The following NUMA1 variants were observed in gnomAD, a reference collection of about 807,000 sequenced individuals.
NUMA1 encodes the protein nuclear mitotic apparatus protein 1.
A neutral mutation model predicts 237.1 loss-of-function variants in NUMA1; 62 were observed. The observed-to-expected ratio is 0.26, with a 90% confidence interval of 0.21 to 0.32. NUMA1 has a LOEUF of 0.32. NUMA1 is among the 10% of genes least tolerant of loss of function. The probability of loss-of-function intolerance (pLI) is 1.00; values close to 1 mark genes in which losing one functional copy is unlikely to be tolerated. For missense variants in NUMA1, 2,533 were observed against 2,666.5 expected (o/e 0.95, Z 1.10); for synonymous variants, 1,028 against 1,066.1 (o/e 0.96, Z 0.70).
chr11:72,034,259 T>A (rs1940720006), intron 3 of NUMA1, among the ~76,000 whole-genome samples: 1 of 152,210 alleles, frequency 6.6e-6, no homozygotes, highest in Non-Finnish European at 1.5e-5. Context: ...TGAGATAACA[T>A]GCTAAATGAC....
At chr11:72,018,352 G>A (rs1938202222) in intron 11 of NUMA1, 44 bp downstream of exon 11, 3 of 1,606,686 alleles carry the variant, frequency 1.9e-6, no homozygotes, top group Middle Eastern at 1.6e-4. Context: ...GGCTGGGTGA[G>A]GGGAGGGGCT....
At chr11:72,056,609 C>A (rs1942658676) in intron 2 of NUMA1, among the ~76,000 whole-genome samples, 1 of 129,382 alleles carries the variant, frequency 7.7e-6, no homozygotes, top group Non-Finnish European at 1.6e-5. Flanking sequence ...CATGAGCCAT[C>A]GCGCCTGACC....
intron 14 of NUMA1, 23 bp downstream of exon 14, chr11:72,016,385 C>G (rs1555014819): frequency 1.6e-5 from 25 of 1,612,220 alleles, no homozygotes; most frequent in Non-Finnish European, 2.0e-5. Flanking sequence ...CAGCAGCACA[C>G]AGGTCTTTCT....
chr11:72,003,460 G>A lies in NUMA1; in HGVS notation c.*67C>T. ...CTGAGAGAAGGCACTGAGAGGGACA[G>A]TAGGCGGAGGACCAGGTGAGGTCAG... On this transcript the variant is annotated 3_prime_UTR_variant, in exon 27 of 27. Transcript: ENST00000393695. 6.7e-7 allele frequency: 1 copy of A among 1,492,108 alleles called. No homozygotes were observed. Among genetic ancestry groups the A allele is most frequent in the Non-Finnish European group, 9.4e-7 (1 of 1,068,072 alleles). 92.4% of individuals were successfully genotyped at this position (1,492,108 alleles called of 1,614,324 possible). A position where few individuals can be genotyped will look rare whatever the true frequency, so the allele number is the denominator to read the frequency against.
rs1938108652 is a variant in NUMA1, at chr11:72,017,924, T to G, written c.979-97A>C. ...AACCCCAGGGGCTGGATGCCTCCAA[T>G]TATCCTGCCAACCCTCTACAAACCA... On this transcript the variant is annotated intron_variant, in intron 12 of 26. Transcript: ENST00000393695. 3 of 1,398,682 alleles carry G rather than the reference T, an allele frequency of 2.1e-6. No individual in the cohort carries two copies. In the South Asian group the frequency reaches 3.8e-5, roughly 18 times the overall value. The allele number at this position is 1,398,682 out of a possible 1,614,324, so 86.6% of individuals were successfully genotyped here.
chr11:72,018,329 A>G, intron 11 of NUMA1, 29 bp from the exon 12 acceptor site: 2 of 1,608,534 alleles, frequency 1.2e-6, no homozygotes, highest in Non-Finnish European at 8.5e-7. Context: ...GTGAGAAGAG[A>G]GTATGGGTTC....
rs1188584553 is a variant in NUMA1 at position 72,014,144 on chromosome 11, G to A, written c.3359C>T (p.Pro1120Leu). The change falls in exon 15 of 27, where the codon CCC becomes CTC. Residue 1120 changes from proline to leucine, a missense_variant. Transcript: ENST00000393695. The surrounding 1 kb of genome is among the most constrained non-coding windows in gnomAD (Gnocchi z 4.6). ...EAAGRTEPTGPKLEALRAEVS... is the reference protein window; with the variant it reads ...EAAGRTEPTGLKLEALRAEVS... ...CTCTGCCCGCAGTGCCTCCAGCTTG[G>A]GGCCTGTTGGCTCTGTCCTGCCAGC... 1.9e-6 allele frequency: 3 copies of A among 1,613,036 alleles called. No individual in the cohort carries two copies. Among genetic ancestry groups the A allele is most frequent in the South Asian group, 2.2e-5 (2 of 91,082 alleles).
chr11:72,012,712 C>T (rs1336574353), intron 15 of NUMA1, among the ~76,000 whole-genome samples, 183 bp downstream of exon 15: 1 of 152,158 alleles, frequency 6.6e-6, no homozygotes, highest in Non-Finnish European at 1.5e-5. Context: ...CTGACATTTT[C>T]TTTAGGATGA....
chr11:72,042,386 A>T, intron 2 of NUMA1, among the ~76,000 whole-genome samples: 1 of 152,272 alleles, frequency 6.6e-6, no homozygotes, highest in East Asian at 1.9e-4. Context: ...GATAAGAAAT[A>T]TGACTTGAAG....
intron 1 of NUMA1, among the ~76,000 whole-genome samples, chr11:72,071,668 T>C (rs1256859630): frequency 1.3e-5 from 2 of 152,306 alleles, no homozygotes; most frequent in East Asian, 1.9e-4. Context: ...TGTAGTTATA[T>C]AGGAAGATAC....
At chr11:72,035,315 G>A (rs1477335548) in intron 3 of NUMA1, among the ~76,000 whole-genome samples, 1 of 152,152 alleles carries the variant, frequency 6.6e-6, no homozygotes, top group Non-Finnish European at 1.5e-5. Context: ...GGTGGTAAGA[G>A]AGTGATGAGA....
chr11:72,019,014 G>C, intron 9 of NUMA1, 34 bp from the exon 10 acceptor site: 1 of 1,610,462 alleles, frequency 6.2e-7, no homozygotes, highest in Non-Finnish European at 8.5e-7. Context: ...GCATTGGTAA[G>C]CGCCTAAGAT....
intron 2 of NUMA1, among the ~76,000 whole-genome samples, chr11:72,047,486 C>CA (rs61177856): frequency 2.0e-5 from 3 of 151,244 alleles, no homozygotes; most frequent in African/African-American, 4.9e-5. Context: ...AGACACGTCT[C>CA]AAAAAAAAAC....
In NUMA1 at chr11:72,004,356, A is replaced by G; in HGVS notation, c.6007-15T>C. The G allele has an allele frequency of 6.2e-7, 1 of 1,604,138 alleles. No individual in the cohort carries two copies. Among genetic ancestry groups the G allele is most frequent in the East Asian group, 2.2e-5 (1 of 44,820 alleles). ...GCCTTCTTAGACTATGGAGAAGAGG[A>G]CAGTTAGGCAGACAGTAGCAAGAGG... On this transcript the variant is annotated splice_polypyrimidine_tract_variant and intron_variant, in intron 24 of 26. Transcript: ENST00000393695.
intron 10 of NUMA1, 130 bp downstream of exon 10, chr11:72,018,693 G>A (rs898502892): frequency 3.3e-6 from 4 of 1,206,624 alleles, no homozygotes; most frequent in Non-Finnish European, 4.7e-6. Context: ...GCTTCCAGGA[G>A]GTCAGCCTGA....
At chr11:72,035,151 CCAGCCTCT>C (rs1188696295) in intron 3 of NUMA1, among the ~76,000 whole-genome samples, 1 of 152,158 alleles carries the variant, frequency 6.6e-6, no homozygotes, top group Admixed American at 6.5e-5. Context: ...GCCACCACAT[CCAGCCTCT>C]CTAGCTTTAA....
intron 13 of NUMA1, 88 bp from the exon 14 acceptor site, chr11:72,016,618 G>C: frequency 6.7e-7 from 1 of 1,487,606 alleles, no homozygotes; most frequent in Non-Finnish European, 9.1e-7. Flanking sequence ...GCAAACATGG[G>C]GCCCATCATC....
chr11:72,072,205 A>G lies in NUMA1; in HGVS notation c.-102-2294T>C, dbSNP rs371109450. On this transcript the variant is annotated intron_variant, in intron 1 of 26. Coordinates refer to ENST00000393695, the MANE Select transcript of NUMA1 (RefSeq NM_006185.4). Reference sequence around the variant, plus strand: ...AATGCCCACTCGCTAGGCAGAATGCAGCTGCTGCCCACACGTTAGTACCCA... The same window carrying G: ...AATGCCCACTCGCTAGGCAGAATGCGGCTGCTGCCCACACGTTAGTACCCA... The G allele has an allele frequency of 3.7e-4, 57 of 153,368 alleles. No individual in the cohort carries two copies. In the South Asian group the frequency reaches 0.011, roughly 29 times the overall value. 9.5% of individuals were successfully genotyped at this position (153,368 alleles called of 1,614,324 possible).
intron 4 of NUMA1, among the ~76,000 whole-genome samples, chr11:72,028,331 C>T (rs1042461677): frequency 1.3e-5 from 2 of 151,974 alleles, no homozygotes; most frequent in African/African-American, 4.8e-5. Context: ...AGCTAAAGTG[C>T]TTGCTTCAGA....
Sources: gnomAD v4.1 joint callset for allele counts (sites outside exome capture counted in the v4.1 genomes callset) on GRCh38, gnomAD v4.1.1 for gene constraint, Gnocchi (gnomAD v3.1) non-coding constraint, MANE v1.5 for transcripts, NCBI Gene and HGNC (gene_info 2026-07-23, HGNC 2026-07-21) for gene names.